Variants in ALKBH8 observed in about 807,000 individuals in gnomAD.
The protein encoded by ALKBH8 is tRNA (carboxymethyluridine(34)-5-O)-methyltransferase ALKBH8.
A neutral mutation model predicts 59.8 loss-of-function variants in ALKBH8; 36 were observed. That is an observed-to-expected ratio of 0.60 (90% confidence interval 0.46 to 0.79). The LOEUF is 0.79. Ranked by LOEUF, ALKBH8 falls within the 30% of genes least tolerant of loss-of-function variation. ALKBH8 has a pLI of 0.00. For missense variants in ALKBH8, 768 were observed against 801.0 expected (o/e 0.96, Z 0.50); for synonymous variants, 276 against 273.6 (o/e 1.01, Z -0.09).
Position 107,525,519 on chromosome 11 carries a change from C to CA in ALKBH8, c.951dup (p.Gly318TrpfsTer17). 1 of 1,538,314 alleles carries CA rather than the reference C, an allele frequency of 6.5e-7. No homozygotes were observed. Among genetic ancestry groups the CA allele is most frequent in the Non-Finnish European group, 8.8e-7 (1 of 1,141,498 alleles). On this transcript the variant is annotated frameshift_variant, in exon 9 of 12. Coordinates refer to ENST00000428149, the MANE Select transcript of ALKBH8 (RefSeq NM_138775.3). LOFTEE classifies it high-confidence loss of function. Reference sequence around the variant, plus strand: ...CCCCTCTTGCTTAAAGTTAAGTCTCCAACATCACTGGTGATAATTCCACTT... The same window carrying CA: ...CCCCTCTTGCTTAAAGTTAAGTCTCCAAACATCACTGGTGATAATTCCACTT...
At chr11:107,544,193 T>C (rs1380321530) in intron 7 of ALKBH8, among the ~76,000 whole-genome samples, 3 of 152,244 alleles carry the variant, frequency 2.0e-5, no homozygotes, top group Non-Finnish European at 4.4e-5. Flanking sequence ...ATGCACATAG[T>C]TCTAACTGAA....
intron 10 of ALKBH8, among the ~76,000 whole-genome samples, chr11:107,514,607 T>C (rs1026445177): frequency 6.6e-6 from 1 of 152,184 alleles, no homozygotes; most frequent in African/African-American, 2.4e-5. Context: ...TCTTACTTAT[T>C]ATTTATTTTC....
chr11:107,518,937 T>C (rs567041836), intron 10 of ALKBH8, among the ~76,000 whole-genome samples: 16 of 152,148 alleles, frequency 1.1e-4, no homozygotes, highest in Non-Finnish European at 2.2e-4. Flanking sequence ...ACCAAGCTGG[T>C]CTCAGCAACA....
intron 6 of ALKBH8, among the ~76,000 whole-genome samples, chr11:107,551,593 C>T (rs902932332): frequency 1.3e-5 from 2 of 151,172 alleles, no homozygotes; most frequent in Non-Finnish European, 1.5e-5. Flanking sequence ...ACTTGGGAAG[C>T]TGAGGCAGGA....
chr11:107,546,798 G>GA (rs1378369321), intron 7 of ALKBH8, among the ~76,000 whole-genome samples: 2 of 151,818 alleles, frequency 1.3e-5, no homozygotes, highest in African/African-American at 4.8e-5. Context: ...TAATGTATTT[G>GA]AAAAAAACAA....
At chr11:107,564,684 A>T (rs2135604592) in intron 1 of ALKBH8, among the ~76,000 whole-genome samples, 1 of 152,306 alleles carries the variant, frequency 6.6e-6, no homozygotes, top group East Asian at 1.9e-4. Context: ...AATTCACCCC[A>T]TCACTTGTCA....
intron 8 of ALKBH8, 27 bp from the exon 9 acceptor site, chr11:107,525,619 C>A: frequency 7.5e-7 from 1 of 1,339,672 alleles, no homozygotes; most frequent in Non-Finnish European, 9.6e-7. Flanking sequence ...AAAAAATTTA[C>A]TTAACATTGT....
intron 10 of ALKBH8, among the ~76,000 whole-genome samples, chr11:107,520,570 G>A (rs942471209): frequency 2.0e-5 from 3 of 152,128 alleles, no homozygotes; most frequent in Admixed American, 6.6e-5. Flanking sequence ...ATTTTTGGAC[G>A]TATCTTTAGA....
chr11:107,508,713 C>T lies in ALKBH8; in HGVS notation c.1437+2174G>A, dbSNP rs138421317. On this transcript the variant is annotated intron_variant, in intron 11 of 11. Transcript: ENST00000428149. ...TGGTAACAACTGTTCCACTTTCTGT[C>T]TCTATGAATTTAACTATTCTAAGTA... Among the ~76,000 whole-genome samples the T allele has an allele frequency of 1.6e-3, 241 of 152,252 alleles. 1 individual carries two copies. The highest frequency in any genetic ancestry group is 5.6e-3 in the African/African-American group (234 of 41,530).
chr11:107,547,820 C>A (rs583025), intron 7 of ALKBH8, among the ~76,000 whole-genome samples: 145,685 of 152,322 alleles, frequency 0.96, 69,835 homozygotes, highest in African/African-American at 0.99. Context: ...TTTAACCAAA[C>A]GTCATTCAAA....
chr11:107,523,141 G>A (rs374463552), intron 9 of ALKBH8, among the ~76,000 whole-genome samples: 184 of 152,000 alleles, frequency 1.2e-3, no homozygotes, highest in Admixed American at 5.4e-3. Flanking sequence ...AAATTAGTAC[G>A]TCAGAAAGAC....
At chr11:107,532,525 C>T (rs896301625) in intron 7 of ALKBH8, 119 bp from the exon 8 acceptor site, 2 of 757,642 alleles carry the variant, frequency 2.6e-6, no homozygotes, top group Admixed American at 2.4e-5. Flanking sequence ...CATAATAATG[C>T]TTGCAGAAAA....
intron 2 of ALKBH8, among the ~76,000 whole-genome samples, chr11:107,560,405 A>G (rs1422225933): frequency 6.6e-6 from 1 of 152,168 alleles, no homozygotes; most frequent in African/African-American, 2.4e-5. Context: ...GCTTATATCA[A>G]TGGAGACATA....
intron 2 of ALKBH8, among the ~76,000 whole-genome samples, chr11:107,557,889 T>G (rs543970429): frequency 2.6e-4 from 40 of 152,308 alleles, no homozygotes; most frequent in African/African-American, 9.6e-4. Flanking sequence ...TAATTTATGT[T>G]CTATGACTTC....
chr11:107,548,086 C>G (rs1410658346), intron 7 of ALKBH8, among the ~76,000 whole-genome samples: 2 of 152,210 alleles, frequency 1.3e-5, no homozygotes, highest in Non-Finnish European at 2.9e-5. Context: ...ACTTACAACT[C>G]TCCTGAAAAC....
At chr11:107,543,288 T>A (rs1216067440) in intron 7 of ALKBH8, among the ~76,000 whole-genome samples, 2 of 149,976 alleles carry the variant, frequency 1.3e-5, no homozygotes, top group African/African-American at 4.9e-5. Context: ...TGAGCCAAGA[T>A]CACACCACTG....
chr11:107,547,769 G>A (rs1470112603), intron 7 of ALKBH8, among the ~76,000 whole-genome samples: 1 of 152,156 alleles, frequency 6.6e-6, no homozygotes, highest in African/African-American at 2.4e-5. Flanking sequence ...TACTGTTCCT[G>A]TCATAACTTA....
At chr11:107,509,009 C>G (rs977002525) in intron 11 of ALKBH8, among the ~76,000 whole-genome samples, 3 of 152,152 alleles carry the variant, frequency 2.0e-5, no homozygotes, top group Non-Finnish European at 4.4e-5. Context: ...GCTTTCAATT[C>G]TTTTGGGTAT....
intron 7 of ALKBH8, among the ~76,000 whole-genome samples, chr11:107,544,236 AATACAGCAGCATGTTCT>A (rs1864161165): frequency 6.6e-6 from 1 of 152,208 alleles, no homozygotes; most frequent in Non-Finnish European, 1.5e-5. Flanking sequence ...AAAGGCTCCA[AATACAGCAGCATGTTCT>A]ATTTTATGAT....
Sources: gnomAD v4.1 joint callset for allele counts (sites outside exome capture counted in the v4.1 genomes callset) on GRCh38, gnomAD v4.1.1 for gene constraint, MANE v1.5 for transcripts, NCBI Gene and HGNC (gene_info 2026-07-23, HGNC 2026-07-21) for gene names.